Variants in UVSSA observed in about 807,000 individuals in gnomAD.
The protein encoded by UVSSA is UV stimulated scaffold protein A, also known as UV-stimulated scaffold protein A.
UVSSA carries 72 observed loss-of-function variants against 73.9 expected under a neutral mutation model. The ratio of observed to expected loss-of-function variants is 0.97; its 90% CI spans 0.81 to 1.19. The LOEUF is 1.19. Ranked by LOEUF, UVSSA falls within the 50% of genes most tolerant of loss-of-function variation. The pLI is 0.00. For missense variants in UVSSA, 1,150 were observed against 965.0 expected, an observed-to-expected ratio of 1.19 and a Z score of -2.54; for synonymous variants, 454 against 391.3, an observed-to-expected ratio of 1.16 and a Z score of -1.89.
intron 7 of UVSSA, among the ~76,000 whole-genome samples, chr4:1,357,658 GC>G (rs1268979017): frequency 6.6e-6 from 1 of 152,234 alleles, no homozygotes; most frequent in Non-Finnish European, 1.5e-5. Context: ...CCTGGTGGAT[GC>G]AGACTCCCCC....
chr4:1,395,103 T>C (rs79209471), exon 14 of UVSSA: 17,561 of 1,043,852 alleles, frequency 0.017, 4,753 homozygotes, highest in African/African-American at 0.018. Flanking sequence ...TGTGGAGTGC[T>C]CGCCTGCTCA....
intron 7 of UVSSA, among the ~76,000 whole-genome samples, chr4:1,365,637 A>T (rs1387083540): frequency 6.6e-6 from 1 of 152,194 alleles, no homozygotes; most frequent in Non-Finnish European, 1.5e-5. Context: ...GGTGGTTTTC[A>T]TACAAGTCCT....
chr4:1,359,814 C>T (rs1221128171), intron 7 of UVSSA, among the ~76,000 whole-genome samples: 1 of 152,188 alleles, frequency 6.6e-6, no homozygotes, highest in Non-Finnish European at 1.5e-5. Context: ...ATGCCAGAAG[C>T]ATTCTGCCCT....
At position 1,394,874 on chromosome 4, in the gene UVSSA, G is replaced by A. The variant is rs9762106; in HGVS notation, c.*8913G>A. 16 of 1,399,056 alleles carry A rather than the reference G, an allele frequency of 1.1e-5. No individual in the cohort carries two copies. Among genetic ancestry groups the A allele is most frequent in the Middle Eastern group, 2.1e-4 (1 of 4,816 alleles). The allele number at this position is 1,399,056 out of a possible 1,614,324, so 86.7% of individuals were successfully genotyped here. On this transcript the variant is annotated 3_prime_UTR_variant, in exon 14 of 14. Transcript: ENST00000511216. ...GAGTGCCCGCCTGCTCACACGTGCC[G>A]ATGCGGAGTGCCCGCCTGCTCACAC...
At chr4:1,376,781 A>G (rs1027011120) in intron 10 of UVSSA, among the ~76,000 whole-genome samples, 8 of 152,204 alleles carry the variant, frequency 5.3e-5, no homozygotes, top group South Asian at 2.1e-4. Flanking sequence ...GGCACGGCCT[A>G]TCGGGGGAAC....
upstream of UVSSA, among the ~76,000 whole-genome samples, chr4:1,345,223 G>C (rs1362968082): frequency 8.5e-5 from 13 of 152,208 alleles, no homozygotes; most frequent in Non-Finnish European, 1.8e-4. Context: ...GACGTGCTCA[G>C]ATCTGGATGT....
intron 11 of UVSSA, 88 bp from the exon 12 acceptor site, chr4:1,380,792 G>A: frequency 6.3e-7 from 1 of 1,591,056 alleles, no homozygotes; most frequent in Non-Finnish European, 8.6e-7. Context: ...CCTGGTCGCT[G>A]TTTGTGCCCA....
intron 8 of UVSSA, among the ~76,000 whole-genome samples, chr4:1,372,476 C>T (rs915536231): frequency 2.6e-5 from 4 of 152,186 alleles, no homozygotes; most frequent in Admixed American, 1.3e-4. Context: ...GATTTACACA[C>T]ATATGTGTTT....
chr4:1,376,301 C>A (rs374737265), intron 10 of UVSSA, 133 bp downstream of exon 10: 1 of 1,337,302 alleles, frequency 7.5e-7, no homozygotes. Context: ...CCCCACCTTC[C>A]GGGCACCTGG....
rs1325977608 is a variant in UVSSA at position 1,386,656 on chromosome 4, G to A, written c.*695G>A. ...CCATTTGTGTATCTCCTTTGGAGAG[G>A]AGTCTATTCAAACCTCTTGCCTATT... On this transcript the variant is annotated 3_prime_UTR_variant, in exon 14 of 14. Transcript: ENST00000389851. The A allele has an allele frequency of 6.6e-6, 1 of 152,222 alleles. No homozygotes were observed. Among genetic ancestry groups the A allele is most frequent in the Non-Finnish European group, 1.5e-5 (1 of 68,066 alleles). 9.4% of individuals were successfully genotyped at this position (152,222 alleles called of 1,614,324 possible).
At chr4:1,385,126 C>T (rs575719084) in intron 13 of UVSSA, 1 of 152,484 alleles carries the variant, frequency 6.6e-6, no homozygotes, top group African/African-American at 2.4e-5. Flanking sequence ...CCCTGTGTCT[C>T]ATGGGGACAC....
At chr4:1,351,563 G>A in intron 3 of UVSSA, 152 bp from the exon 4 acceptor site, 3 of 730,256 alleles carry the variant, frequency 4.1e-6, no homozygotes, top group Non-Finnish European at 4.0e-6. Flanking sequence ...TTTTTTTTTT[G>A]TATTTTTAGT....
chr4:1,378,106 C>T (rs1259512595), intron 10 of UVSSA, among the ~76,000 whole-genome samples: 3 of 152,196 alleles, frequency 2.0e-5, no homozygotes, highest in African/African-American at 7.2e-5. Flanking sequence ...TTAGGGATCT[C>T]GGAGAGCCTG....
At chr4:1,378,203 T>TG (rs1323057086) in intron 10 of UVSSA, among the ~76,000 whole-genome samples, 1 of 151,948 alleles carries the variant, frequency 6.6e-6, no homozygotes, top group Non-Finnish European at 1.5e-5. Context: ...ACAGGGCTGA[T>TG]GGGGGTGGCG....
At chr4:1,352,491 G>A (rs1714933751) in intron 4 of UVSSA, among the ~76,000 whole-genome samples, 1 of 152,208 alleles carries the variant, frequency 6.6e-6, no homozygotes, top group South Asian at 2.1e-4. Context: ...CGGGAGGTGT[G>A]GCATGAACGA....
At chr4:1,351,552 ATTTTT>A (rs568824638) in intron 3 of UVSSA, among the ~76,000 whole-genome samples, 158 bp from the exon 4 acceptor site, 1 of 138,470 alleles carries the variant, frequency 7.2e-6, no homozygotes, top group African/African-American at 2.7e-5. Context: ...CGCCTGGCTA[ATTTTT>A]TTTTTGTATT....
chr4:1,352,069 G>A (rs1284356814), intron 4 of UVSSA, among the ~76,000 whole-genome samples: 15 of 152,372 alleles, frequency 9.8e-5, no homozygotes, highest in Non-Finnish European at 5.9e-5. Context: ...TTCGCTGCGC[G>A]GACCTCTGGG....
At chr4:1,355,338 C>A in intron 7 of UVSSA, 93 bp downstream of exon 7, 1 of 1,308,556 alleles carries the variant, frequency 7.6e-7, no homozygotes, top group East Asian at 2.5e-5. Flanking sequence ...CCTGTGGGCC[C>A]GGCGGACCCC....
chr4:1,354,903 T>TTTG (rs1553877116), intron 6 of UVSSA, 56 bp downstream of exon 6: 86 of 1,465,572 alleles, frequency 5.9e-5, no homozygotes, highest in Non-Finnish European at 6.2e-5. Context: ...GTGCCATGCA[T>TTTG]GGGGGGGGTC....
Sources: gnomAD v4.1 joint callset for allele counts (sites outside exome capture counted in the v4.1 genomes callset) on GRCh38, gnomAD v4.1.1 for gene constraint, MANE v1.5 for transcripts, NCBI Gene and HGNC (gene_info 2026-07-23, HGNC 2026-07-21) for gene names.